Variants in RNF8 observed in about 807,000 individuals in gnomAD.
RNF8 encodes the protein E3 ubiquitin-protein ligase RNF8.
In RNF8, 8 loss-of-function variants were observed where a neutral mutation model predicts 59.3. That is an observed-to-expected ratio of 0.13 (90% CI 0.08 to 0.24). The LOEUF (loss-of-function observed/expected upper bound fraction) is 0.24. RNF8 is among the 10% of genes least tolerant of loss of function. The pLI, the probability that RNF8 is intolerant of heterozygous loss-of-function variation, is 1.00. For missense variants in RNF8, 406 were observed against 572.6 expected (o/e 0.71, Z 2.97); for synonymous variants, 162 against 200.0 (o/e 0.81, Z 1.60).
At chr6:37,382,185 T>G (rs1425343086) in intron 7 of RNF8, among the ~76,000 whole-genome samples, 1 of 152,120 alleles carries the variant, frequency 6.6e-6, no homozygotes, top group African/African-American at 2.4e-5. Flanking sequence ...GCGGAGGAGA[T>G]AGAAAGGCAA....
intron 1 of RNF8, 72 bp downstream of exon 1, chr6:37,354,347 G>A (rs1044394254): frequency 3.3e-6 from 4 of 1,229,790 alleles, no homozygotes; most frequent in Non-Finnish European, 4.5e-6. Context: ...AGGGAGGAAG[G>A]TGTCTTGCTG....
intron 2 of RNF8, among the ~76,000 whole-genome samples, chr6:37,366,922 C>G (rs1267873692): frequency 6.6e-6 from 1 of 152,250 alleles, no homozygotes; most frequent in Non-Finnish European, 1.5e-5. Flanking sequence ...CCATAGCTAT[C>G]CCAGCTGCAC....
chr6:37,377,113 C>T (rs1770054700), intron 6 of RNF8, 80 bp downstream of exon 6: 1 of 750,924 alleles, frequency 1.3e-6, no homozygotes, highest in Non-Finnish European at 2.1e-6. Context: ...ACTCTGTCAA[C>T]CCAGGCTAGA....
At chr6:37,373,707 G>A (rs1769897345) in intron 4 of RNF8, among the ~76,000 whole-genome samples, 1 of 152,046 alleles carries the variant, frequency 6.6e-6, no homozygotes, top group African/African-American at 2.4e-5. Context: ...TACCACGCCC[G>A]GCCATATTTT....
rs778832847 is a variant in RNF8 at position 37,390,841 on chromosome 6, C to G, written c.*83C>G. The G allele has an allele frequency of 1.2e-6, 2 of 1,613,332 alleles. No homozygotes were observed. Among genetic ancestry groups the G allele is most frequent in the South Asian group, 2.2e-5 (2 of 91,062 alleles). ...TGGAGGATTCTCTCTAGCCGTGACT[C>G]CGCTGCTCTGAAGGTCAACTGAGAA... On this transcript the variant is annotated 3_prime_UTR_variant, in exon 8 of 8. Transcript: ENST00000373479.
In RNF8 at chr6:37,368,950, C is replaced by T. The variant is rs1769684413; in HGVS notation, c.707C>T (p.Ala236Val). The T allele has an allele frequency of 6.2e-7, 1 of 1,614,188 alleles. No homozygotes were observed. Among genetic ancestry groups the T allele is most frequent in the Non-Finnish European group, 8.5e-7 (1 of 1,180,042 alleles). The change falls in exon 3 of 8, where the codon GCC becomes GTC. Residue 236 changes from alanine to valine, a missense_variant. This residue lies in a region of RNF8 where 285 missense variants were observed against 342.0 expected (regional missense o/e 0.83). Transcript: ENST00000373479. Reference sequence around the variant, plus strand: ...ACAGAGGTTCATCATGAGCAGAAAGCCTCAAACTCTTCAGCATCTCAGAGA... The same window carrying T: ...ACAGAGGTTCATCATGAGCAGAAAGTCTCAAACTCTTCAGCATCTCAGAGA... ...KVTEVHHEQK[A>V]SNSSASQRSL...
rs149452153 is a variant in RNF8, at chr6:37,361,796, C to T, written c.240+1222C>T. 8.5e-5 allele frequency among the ~76,000 whole-genome samples: 13 copies of T among 152,276 alleles called. No individual in the cohort carries two copies. In the East Asian group the frequency reaches 2.5e-3, roughly 29 times the overall value. ...TGAGTTGGCACTGTATTGAAGGAGA[C>T]AGTACATAAATGCTAAGTAAATCAG... is the stretch of plus-strand genomic sequence containing the variant. On this transcript the variant is annotated intron_variant, in intron 2 of 7. Coordinates refer to ENST00000373479, the MANE Select transcript of RNF8 (RefSeq NM_003958.4).
intron 7 of RNF8, among the ~76,000 whole-genome samples, chr6:37,384,353 C>T (rs574385789): frequency 4.9e-4 from 75 of 152,222 alleles, no homozygotes; most frequent in Non-Finnish European, 9.6e-4. Flanking sequence ...GTTGGCCAGG[C>T]TGGTCTCCCA....
At chr6:37,359,430 G>T in intron 1 of RNF8, 1 of 212,074 alleles carries the variant, frequency 4.7e-6, no homozygotes, top group Non-Finnish European at 9.7e-6. Context: ...CTTGAACGAA[G>T]GTATAGAAGG....
intron 7 of RNF8, among the ~76,000 whole-genome samples, chr6:37,388,345 C>T (rs774874696): frequency 1.3e-5 from 2 of 152,140 alleles, no homozygotes; most frequent in Non-Finnish European, 2.9e-5. Context: ...TTGGAGCAGA[C>T]AAATTTAGTT....
chr6:37,377,139 C>G, intron 6 of RNF8, 106 bp downstream of exon 6: 1 of 593,220 alleles, frequency 1.7e-6, no homozygotes, highest in Non-Finnish European at 2.8e-6. Flanking sequence ...GTGCCACAAT[C>G]TCGGCTCACT....
intron 7 of RNF8, 129 bp from the exon 8 acceptor site, chr6:37,390,613 C>T: frequency 1.5e-6 from 1 of 655,948 alleles, no homozygotes; most frequent in South Asian, 1.8e-5. Flanking sequence ...CATGATCTGA[C>T]TTCTGTTTTC....
At chr6:37,357,701 G>A (rs1299434200) in intron 1 of RNF8, among the ~76,000 whole-genome samples, 1 of 152,200 alleles carries the variant, frequency 6.6e-6, no homozygotes, top group African/African-American at 2.4e-5. Flanking sequence ...ACATTTTAAA[G>A]AGAAACAAGT....
Position 37,378,595 on chromosome 6 carries a change from C to T in RNF8, c.1236+1562C>T, listed in dbSNP as rs1306564479. 6.2e-5 allele frequency among the ~76,000 whole-genome samples: 8 copies of T among 128,720 alleles called. No homozygotes were observed. In the East Asian group the frequency reaches 8.7e-4, roughly 14 times the overall value. 84.4% of individuals were successfully genotyped at this position (128,720 alleles called of 152,430 possible). A position where few individuals can be genotyped will look rare whatever the true frequency, so the allele number is the denominator to read the frequency against. On this transcript the variant is annotated intron_variant, in intron 6 of 7. Coordinates refer to ENST00000373479, the MANE Select transcript of RNF8 (RefSeq NM_003958.4). Reference sequence around the variant, plus strand: ...CAGCATGGGTGACAGAGCGAGACTCCGTCTCAAAAAAAAAAAAAAAAAAAA... The same window carrying T: ...CAGCATGGGTGACAGAGCGAGACTCTGTCTCAAAAAAAAAAAAAAAAAAAA...
chr6:37,365,194 T>G (rs1200162609), intron 2 of RNF8, among the ~76,000 whole-genome samples: 1 of 152,164 alleles, frequency 6.6e-6, no homozygotes, highest in Non-Finnish European at 1.5e-5. Flanking sequence ...CTGCCGATAA[T>G]GCAACAGTGT....
At chr6:37,377,189 C>T (rs552285138) in intron 6 of RNF8, among the ~76,000 whole-genome samples, 156 bp downstream of exon 6, 1 of 150,510 alleles carries the variant, frequency 6.6e-6, no homozygotes, top group South Asian at 2.1e-4. Flanking sequence ...TCTTGTGCCT[C>T]AGCCTCCCAA....
rs1036971477 is a variant in RNF8, at chr6:37,358,291, T to C, written c.112-2155T>C. The stretch of plus-strand genomic sequence containing the variant: ...AGGGCTCAGGACATTCAGGGTCTTA[T>C]AGGCCATGGAAGGAAGTTTGAATGA... On this transcript the variant is annotated intron_variant, in intron 1 of 7. Transcript: ENST00000373479. Among the ~76,000 whole-genome samples, 5 of 152,304 alleles carry C rather than the reference T, an allele frequency of 3.3e-5. No individual in the cohort carries two copies. The East Asian group carries it at 5.8e-4, about 18-fold the overall frequency.
intron 2 of RNF8, among the ~76,000 whole-genome samples, chr6:37,364,819 G>A (rs1281171788): frequency 1.3e-5 from 2 of 152,142 alleles, no homozygotes; most frequent in Admixed American, 1.3e-4. Context: ...TGCCCAGGCT[G>A]GAGTGCAATG....
At chr6:37,358,533 G>A (rs893565960) in intron 1 of RNF8, among the ~76,000 whole-genome samples, 1 of 152,116 alleles carries the variant, frequency 6.6e-6, no homozygotes, top group Non-Finnish European at 1.5e-5. Flanking sequence ...ATTTCAATGT[G>A]GGGATGAGGG....
Sources: allele counts gnomAD v4.1 joint callset (sites outside exome capture counted in the v4.1 genomes callset), GRCh38; gene constraint gnomAD v4.1.1; regional missense constraint gnomAD v4.1.1; transcripts MANE v1.5; gene names NCBI Gene and HGNC (gene_info 2026-07-23, HGNC 2026-07-21).